Variants in LLGL1 observed in about 807,000 individuals in gnomAD.
The protein encoded by LLGL1 is LLGL scribble cell polarity complex component 1.
LLGL1 carries 58 observed loss-of-function variants against 110.6 expected under a neutral mutation model. That is an observed-to-expected ratio of 0.52 (90% CI 0.42 to 0.65). The LOEUF (loss-of-function observed/expected upper bound fraction) is 0.65, where lower values mean the gene tolerates loss of function less well. Among genes scored for constraint, LLGL1 ranks in the 30% least tolerant of loss-of-function variants. The pLI, the probability that LLGL1 is intolerant of heterozygous loss-of-function variation, is 0.00. For synonymous variants in LLGL1, 674 were observed against 607.2 expected, an observed-to-expected ratio of 1.11 and a Z score of -1.62; for missense variants, 1,229 against 1,462.1, an observed-to-expected ratio of 0.84 and a Z score of 2.60.
At chr17:18,230,937 A>G (rs1156970949) in intron 2 of LLGL1, among the ~76,000 whole-genome samples, 1 of 152,116 alleles carries the variant, frequency 6.6e-6, no homozygotes. Flanking sequence ...CTTCTCTCCC[A>G]TGGCCCCAGC....
At chr17:18,225,869 G>A in intron 1 of LLGL1, 106 bp downstream of exon 1, 1 of 359,800 alleles carries the variant, frequency 2.8e-6, no homozygotes, top group Non-Finnish European at 3.8e-6. Flanking sequence ...GCGGGGGCTG[G>A]CATGCAGCGC....
chr17:18,236,462 C>T (rs1452309582), intron 11 of LLGL1, 145 bp from the exon 12 acceptor site: 3 of 747,610 alleles, frequency 4.0e-6, no homozygotes, highest in African/African-American at 1.7e-5. Context: ...ACAGTAGGTG[C>T]CTATTGTTTT....
chr17:18,235,042 T>A, intron 9 of LLGL1, 47 bp from the exon 10 acceptor site: 1 of 1,613,740 alleles, frequency 6.2e-7, no homozygotes, highest in South Asian at 1.1e-5. Flanking sequence ...CCTGGTGCCC[T>A]CTGCCACCTA....
chr17:18,242,022 G>C, intron 19 of LLGL1, 23 bp downstream of exon 19: 1 of 1,595,978 alleles, frequency 6.3e-7, no homozygotes, highest in South Asian at 1.1e-5. Context: ...GCAGCTCCTA[G>C]CCTGGGGGAC....
At chr17:18,238,038 T>C (rs755015287) in intron 14 of LLGL1, 29 bp from the exon 15 acceptor site, 2 of 1,611,484 alleles carry the variant, frequency 1.2e-6, no homozygotes, top group South Asian at 1.1e-5. Context: ...GGCTGCTCTA[T>C]AGCACGACTG....
chr17:18,227,596 A>G (rs1435664859), intron 1 of LLGL1, among the ~76,000 whole-genome samples: 1 of 152,212 alleles, frequency 6.6e-6, no homozygotes, highest in Non-Finnish European at 1.5e-5. Flanking sequence ...CATGTTGCCC[A>G]GGCTGGTCTC....
intron 1 of LLGL1, among the ~76,000 whole-genome samples, chr17:18,226,035 T>G (rs372058718): frequency 1.4e-4 from 21 of 152,098 alleles, no homozygotes; most frequent in East Asian, 3.9e-4. Context: ...TCTGTGTGTG[T>G]GGGGGTCTGT....
chr17:18,241,697 T>G lies in LLGL1; in HGVS notation c.2749T>G (p.Phe917Val). 1 of 1,613,232 alleles carries G rather than the reference T, an allele frequency of 6.2e-7. No individual in the cohort carries two copies. Among genetic ancestry groups the G allele is most frequent in the Non-Finnish European group, 8.5e-7 (1 of 1,179,816 alleles). The change falls in exon 18 of 23, where the codon TTT becomes GTT. Residue 917 changes from phenylalanine to valine, a missense_variant. By Grantham distance (50) the Phe-to-Val change is conservative. Coordinates refer to ENST00000316843, the MANE Select transcript of LLGL1 (RefSeq NM_004140.4). The part of the protein sequence containing the change: ...EDISGIASCV[F>V]TRHGQGFYLI... ...CATCAGCGGCATCGCTTCGTGCGTC[T>G]TTACGCGCCATGGCCAGGGTGAGGC...
intron 2 of LLGL1, among the ~76,000 whole-genome samples, chr17:18,230,856 A>G (rs2047551890): frequency 6.6e-6 from 1 of 152,112 alleles, no homozygotes; most frequent in South Asian, 2.1e-4. Context: ...TCAGGCAGGG[A>G]TGGGACTCTG....
chr17:18,235,984 C>T (rs147828006), intron 11 of LLGL1: 6 of 200,050 alleles, frequency 3.0e-5, no homozygotes, highest in African/African-American at 9.4e-5. Context: ...AAGAGCTTGC[C>T]GTGGCTTTCA....
Position 18,232,481 on chromosome 17 carries a change from C to T in LLGL1, c.180-14C>T, listed in dbSNP as rs752350730. On this transcript the variant is annotated splice_polypyrimidine_tract_variant and intron_variant, in intron 2 of 22. Coordinates refer to ENST00000316843, the MANE Select transcript of LLGL1 (RefSeq NM_004140.4). The stretch of plus-strand genomic sequence containing the variant: ...TGGTCTATGCCTATTTCCACCTTGA[C>T]CTGCCACCCTCAGCTATGGTGCACC... 1 of 1,611,518 alleles carries T rather than the reference C, an allele frequency of 6.2e-7. No homozygotes were observed.
At chr17:18,229,143 A>G (rs906845808) in intron 1 of LLGL1, among the ~76,000 whole-genome samples, 1 of 152,146 alleles carries the variant, frequency 6.6e-6, no homozygotes, top group Non-Finnish European at 1.5e-5. Context: ...TCAGCTGTGC[A>G]GGCTTCCCAG....
At position 18,234,900 on chromosome 17, in the gene LLGL1, G is replaced by A. The variant is rs1485889954; in HGVS notation, c.967G>A (p.Val323Ile). The change falls in exon 9 of 23, where the codon GTA (valine) becomes ATA (isoleucine). Residue 323 changes from valine to isoleucine, a missense_variant. Transcript: ENST00000316843. ...TGCCAGCTATGGTGACCGCCACTGT[G>A]TAAGTGTGCTTCGAGCCGAGACATT... is the stretch of plus-strand genomic sequence containing the variant. The part of the protein sequence containing the change: ...PRASYGDRHC[V>I]SVLRAETLVT... 2 of 1,613,932 alleles carry A rather than the reference G, an allele frequency of 1.2e-6. No individual in the cohort carries two copies. The highest frequency in any genetic ancestry group is 1.7e-6 in the Non-Finnish European group (2 of 1,180,010).
chr17:18,233,267 G>A (rs11869582), intron 4 of LLGL1, among the ~76,000 whole-genome samples: 23,783 of 152,202 alleles, frequency 0.16, 2,482 homozygotes, highest in Non-Finnish European at 0.23. Context: ...TTGGTAAGGC[G>A]CTGGCAGCAT....
At chr17:18,227,641 T>C (rs1210640526) in intron 1 of LLGL1, among the ~76,000 whole-genome samples, 1 of 152,226 alleles carries the variant, frequency 6.6e-6, no homozygotes, top group Non-Finnish European at 1.5e-5. Flanking sequence ...TCCATCCATG[T>C]TGGCTTCCCA....
chr17:18,231,719 C>T (rs1387106299), intron 2 of LLGL1, among the ~76,000 whole-genome samples: 2 of 152,064 alleles, frequency 1.3e-5, no homozygotes, highest in East Asian at 1.9e-4. Flanking sequence ...GGAGTGCAGT[C>T]GCACAGTTTT....
At chr17:18,231,801 A>G (rs138625946) in intron 2 of LLGL1, among the ~76,000 whole-genome samples, 3,088 of 152,248 alleles carry the variant, frequency 0.02, 103 homozygotes, top group African/African-American at 0.07. Flanking sequence ...CTGGGATTAC[A>G]GGTGCCTGCC....
intron 2 of LLGL1, among the ~76,000 whole-genome samples, chr17:18,231,513 T>G (rs1226781137): frequency 6.6e-6 from 1 of 152,212 alleles, no homozygotes; most frequent in Non-Finnish European, 1.5e-5. Context: ...TTGCCGGGAC[T>G]CAGGCACTGA....
chr17:18,241,893 C>T lies in LLGL1; in HGVS notation c.2776C>T (p.Leu926=). 1 of 1,613,604 alleles carries T rather than the reference C, an allele frequency of 6.2e-7. No homozygotes were observed. Among genetic ancestry groups the T allele is most frequent in the Non-Finnish European group, 8.5e-7 (1 of 1,179,492 alleles). Residue 926 remains leucine, a synonymous_variant, in exon 19 of 23, where the codon CTG becomes TTG. Transcript: ENST00000316843. ...TTCTTCTGCCCACCCAGGCTTTTAC[C>T]TGATATCCCCATCAGAATTTGAACG... ...VFTRHGQGFY[L]ISPSEFERFS...
Sources: allele counts gnomAD v4.1 joint callset (sites outside exome capture counted in the v4.1 genomes callset), GRCh38; gene constraint gnomAD v4.1.1; transcripts MANE v1.5; gene names NCBI Gene and HGNC (gene_info 2026-07-23, HGNC 2026-07-21).